Variants in ABCC11 observed in about 807,000 individuals in gnomAD.
ABCC11 encodes ATP-binding cassette sub-family C member 11.
Under a neutral mutation model 149.3 loss-of-function variants are expected in ABCC11, and 135 were observed. The observed-to-expected ratio is 0.90, with a 90% CI of 0.79 to 1.04. The LOEUF (loss-of-function observed/expected upper bound fraction) is 1.04. ABCC11 is among the 50% of genes least tolerant of loss of function. The pLI, the probability that ABCC11 is intolerant of heterozygous loss-of-function variation, is 0.00. For missense variants in ABCC11, 1,680 were observed against 1,722.1 expected (o/e 0.98, Z 0.43); for synonymous variants, 665 against 671.4 (o/e 0.99, Z 0.15).
At chr16:48,240,166 A>G (rs1000302792) in intron 1 of ABCC11, among the ~76,000 whole-genome samples, 2 of 152,242 alleles carry the variant, frequency 1.3e-5, no homozygotes, top group African/African-American at 4.8e-5. Context: ...CAGCAATCCC[A>G]TTACTGGGTA....
intron 3 of ABCC11, among the ~76,000 whole-genome samples, chr16:48,229,557 C>A (rs1040700744): frequency 1.4e-5 from 2 of 145,896 alleles, no homozygotes; most frequent in East Asian, 1.9e-4. Context: ...CTCCGCTTCC[C>A]GGGTTCACAC....
intron 1 of ABCC11, chr16:48,244,442 C>T: frequency 5.0e-6 from 8 of 1,595,068 alleles, no homozygotes; most frequent in African/African-American, 1.3e-5. Flanking sequence ...TGCTGCTCAC[C>T]CACGAGGGCG....
intron 13 of ABCC11, among the ~76,000 whole-genome samples, chr16:48,203,838 C>T (rs980419042): frequency 5.3e-5 from 8 of 152,176 alleles, no homozygotes; most frequent in African/African-American, 1.9e-4. Context: ...CCATTGTACT[C>T]CAGCCTGGGA....
intron 22 of ABCC11, among the ~76,000 whole-genome samples, chr16:48,185,985 C>A (rs1013632841): frequency 9.9e-5 from 15 of 152,192 alleles, no homozygotes; most frequent in Non-Finnish European, 1.9e-4. Context: ...TTCTCTGACA[C>A]CTTCCCCAAC....
chr16:48,190,044 G>C (rs1966859292), intron 20 of ABCC11, among the ~76,000 whole-genome samples: 2 of 152,104 alleles, frequency 1.3e-5, no homozygotes, highest in Non-Finnish European at 2.9e-5. Flanking sequence ...CCTTCAAGGA[G>C]TGAAGTCCCC....
At chr16:48,175,489 C>A (rs933613196) in intron 25 of ABCC11, 72 bp from the exon 26 acceptor site, 6 of 1,513,818 alleles carry the variant, frequency 4.0e-6, no homozygotes, top group East Asian at 2.4e-5. Flanking sequence ...TCGCACCTGG[C>A]GATCACACCT....
At chr16:48,175,130 G>A (rs1237982836) in intron 26 of ABCC11, 128 bp downstream of exon 26, 35 of 1,214,976 alleles carry the variant, frequency 2.9e-5, no homozygotes, top group East Asian at 5.1e-5. Flanking sequence ...GTAGGCATGA[G>A]TGGCCCAGCA....
intron 11 of ABCC11, 150 bp downstream of exon 11, chr16:48,210,798 G>C (rs368502316): frequency 1.9e-6 from 2 of 1,080,098 alleles, no homozygotes; most frequent in Non-Finnish European, 2.6e-6. Context: ...TCCTGTGTTT[G>C]CCCTCCATGA....
At chr16:48,230,250 TG>T (rs2150917667) in intron 3 of ABCC11, among the ~76,000 whole-genome samples, 186 bp downstream of exon 3, 1 of 152,362 alleles carries the variant, frequency 6.6e-6, no homozygotes, top group African/African-American at 2.4e-5. Flanking sequence ...TGATCCTTTC[TG>T]TATGAATAAA....
chr16:48,243,058 A>T (rs991023489), intron 1 of ABCC11, among the ~76,000 whole-genome samples: 3 of 150,104 alleles, frequency 2.0e-5, no homozygotes, highest in African/African-American at 7.5e-5. Flanking sequence ...AATAAAAAAT[A>T]AAATTAAATT....
Position 48,167,142 on chromosome 16 carries a change from C to G in ABCC11, c.*132G>C, listed in dbSNP as rs367878868. 9.8e-4 allele frequency: 547 copies of G among 560,384 alleles called. 17 individuals are homozygous for G. The highest frequency in any genetic ancestry group is 1.5e-3 in the East Asian group (45 of 29,948). 34.7% of individuals were successfully genotyped at this position (560,384 alleles called of 1,614,324 possible). Reference sequence around the variant, plus strand: ...TTTCCATCCAGCAATCCCCACCCCCCCTACATTTACCCCTGCTTCCAGGAG... The same window carrying G: ...TTTCCATCCAGCAATCCCCACCCCCGCTACATTTACCCCTGCTTCCAGGAG... On this transcript the variant is annotated 3_prime_UTR_variant, in exon 30 of 30. Transcript: ENST00000356608.
chr16:48,222,148 C>T (rs920951658), intron 6 of ABCC11, among the ~76,000 whole-genome samples: 7 of 149,614 alleles, frequency 4.7e-5, no homozygotes, highest in African/African-American at 9.9e-5. Context: ...AGGCTAGTCT[C>T]AAACTCCTGG....
intron 14 of ABCC11, among the ~76,000 whole-genome samples, chr16:48,201,465 T>A (rs370906405): frequency 0.014 from 1,921 of 141,812 alleles, 46 homozygotes; most frequent in African/African-American, 0.049. Flanking sequence ...AACCTTTTTT[T>A]TTCTTTTTCT....
intron 17 of ABCC11, among the ~76,000 whole-genome samples, chr16:48,196,712 G>A (rs749592570): frequency 6.6e-6 from 1 of 152,184 alleles, no homozygotes; most frequent in Non-Finnish European, 1.5e-5. Context: ...ACGGAAAGCC[G>A]AGAAGTTTGC....
rs766482339 is a variant in ABCC11 at position 48,208,471 on chromosome 16, T to C, written c.1634A>G (p.Asn545Ser). The change falls in exon 12 of 30, where the codon AAC becomes AGC. Residue 545 changes from asparagine to serine, a missense_variant. Transcript: ENST00000356608. Reference protein sequence around the residue: ...SKGMMLGVCGNTGSGKSSLLS... With the variant: ...SKGMMLGVCGSTGSGKSSLLS... ...CAGGCTGCTCTTACCACTCCCCGTG[T>C]TGCCGCAGACCCCTAACATCATCCC... 1.2e-5 allele frequency: 19 copies of C among 1,614,046 alleles called. No homozygotes were observed. The Admixed American group carries it at 3.2e-4, about 27-fold the overall frequency.
At chr16:48,211,260 T>C (rs761800638) in intron 10 of ABCC11, 61 bp from the exon 11 acceptor site, 12 of 1,562,732 alleles carry the variant, frequency 7.7e-6, no homozygotes, top group Middle Eastern at 3.4e-4. Flanking sequence ...AGCAGGAATG[T>C]GTTCCCAGTT....
intron 6 of ABCC11, among the ~76,000 whole-genome samples, chr16:48,219,844 G>A (rs917189399): frequency 6.6e-6 from 1 of 152,034 alleles, no homozygotes; most frequent in Non-Finnish European, 1.5e-5. Context: ...AGCCAGGCGT[G>A]GTGGCACACA....
intron 11 of ABCC11, chr16:48,209,288 G>A (rs1968710992): frequency 2.0e-5 from 3 of 152,238 alleles, no homozygotes; most frequent in Admixed American, 1.3e-4. Flanking sequence ...ATTGGCTTAT[G>A]TTTTAGAAAG....
rs1239986971 is a variant in ABCC11, at chr16:48,222,657, A to G, written c.718T>C (p.Ser240Pro). Reference sequence around the variant, plus strand: ...TGGATGAGCTTCTCAAAGGCAAAGGAGGAAACAGCTGCTCGGAACCTGATG... The same window carrying G: ...TGGATGAGCTTCTCAAAGGCAAAGGGGGAAACAGCTGCTCGGAACCTGATG... ...TAIRFRAAVS[S>P]FAFEKLIQFK... The change falls in exon 6 of 30, where the codon TCC becomes CCC. Residue 240 changes from serine (S) to proline (P), a missense_variant. Ser to Pro is a moderately conservative substitution (Grantham distance 74, BLOSUM62 -1). Coordinates refer to ENST00000356608, the MANE Select transcript of ABCC11 (RefSeq NM_001370497.1). The G allele has an allele frequency of 6.2e-7, 1 of 1,614,192 alleles. No homozygotes were observed. The highest frequency in any genetic ancestry group is 8.5e-7 in the Non-Finnish European group (1 of 1,180,034).
Sources: allele counts gnomAD v4.1 joint callset (sites outside exome capture counted in the v4.1 genomes callset), GRCh38; gene constraint gnomAD v4.1.1; transcripts MANE v1.5; gene names NCBI Gene and HGNC (gene_info 2026-07-23, HGNC 2026-07-21).